The following NMRK2 variants were observed in gnomAD, a reference collection of about 807,000 sequenced individuals.
The protein encoded by NMRK2 is nicotinamide riboside kinase 2.
A neutral mutation model predicts 24.7 loss-of-function variants in NMRK2; 34 were observed. The observed-to-expected ratio is 1.37, with a 90% confidence interval of 1.05 to 1.83. The LOEUF is 1.83. NMRK2 is among the 40% of genes most tolerant of loss of function. The pLI, the probability that NMRK2 is intolerant of heterozygous loss-of-function variation, is 0.00. For synonymous variants in NMRK2, 145 were observed against 125.6 expected (o/e 1.15, Z -1.03); for missense variants, 341 against 315.0 (o/e 1.08, Z -0.62).
chr19:3,937,963 C>T lies in NMRK2; in HGVS notation c.167-640C>T, dbSNP rs553008094. Among the ~76,000 whole-genome samples, 838 of 92,460 alleles carry T rather than the reference C, an allele frequency of 9.1e-3. 30 individuals are homozygous for T. Among genetic ancestry groups the T allele is most frequent in the African/African-American group, 0.037 (771 of 21,000 alleles). The allele number at this position is 92,460 out of a possible 152,430, so 60.7% of individuals were successfully genotyped here. ...GCAATACCCGCTCCCCGTCCACTGT[C>T]CCCCCGGGGTCCACCCTCCTGCAAT... is the stretch of plus-strand genomic sequence containing the variant. On this transcript the variant is annotated intron_variant, in intron 4 of 7. Coordinates refer to ENST00000168977, the MANE Select transcript of NMRK2 (RefSeq NM_170678.3).
chr19:3,942,187 G>C lies in NMRK2; in HGVS notation c.607G>C (p.Ala203Pro). 1 of 1,613,150 alleles carries C rather than the reference G, an allele frequency of 6.2e-7. No homozygotes were observed. The highest frequency in any genetic ancestry group is 8.5e-7 in the Non-Finnish European group (1 of 1,179,996). ...CTCCCAGGAATCAGCCCCCTCCCCG[G>C]CTCGCCCAGCCAGGACACAGGGACC... ...NRSQESAPSP[A>P]RPARTQGPGR... The change falls in exon 8 of 8, where the codon GCT becomes CCT. Residue 203 changes from alanine to proline, a missense_variant. Coordinates refer to ENST00000168977, the MANE Select transcript of NMRK2 (RefSeq NM_170678.3).
intron 4 of NMRK2, among the ~76,000 whole-genome samples, chr19:3,937,861 C>T (rs111253549): frequency 8.5e-6 from 1 of 117,872 alleles, no homozygotes; most frequent in African/African-American, 3.3e-5. Context: ...GCCCGCTCCC[C>T]GTCCACTGTT....
At chr19:3,934,340 C>T (rs185040327) in intron 2 of NMRK2, among the ~76,000 whole-genome samples, 53 of 152,192 alleles carry the variant, frequency 3.5e-4, no homozygotes, top group African/African-American at 1.0e-3. Flanking sequence ...GGGACTGACA[C>T]GTGGGCAGGT....
In NMRK2 at chr19:3,941,738, G is replaced by A. The variant is rs896147102; in HGVS notation, c.503-345G>A. Among the ~76,000 whole-genome samples the A allele has an allele frequency of 7.2e-5, 11 of 151,864 alleles. 1 individual carries two copies. The highest frequency in any genetic ancestry group is 1.2e-4 in the African/African-American group (5 of 41,342). ...GCTCACGGCAATCTCCGCCTCCCGG[G>A]TTCAAGCCTTTCCCCTGCCTCAGCC... On this transcript the variant is annotated intron_variant, in intron 7 of 7. Coordinates refer to ENST00000168977, the MANE Select transcript of NMRK2 (RefSeq NM_170678.3).
At position 3,939,991 on chromosome 19, in the gene NMRK2, G is replaced by T. The variant is rs556081033; in HGVS notation, c.395+20G>T. On this transcript the variant is annotated intron_variant, in intron 6 of 7. Transcript: ENST00000168977. ...GAGAAGGTGCACTTGGTGTCTGGGG[G>T]TGCGGTGGGCTCCTGAGGGCCCTGT... The T allele has an allele frequency of 3.1e-6, 5 of 1,606,414 alleles. No individual in the cohort carries two copies. In the African/African-American group the frequency reaches 4.0e-5, roughly 13 times the overall value.
At chr19:3,933,742 C>T in intron 2 of NMRK2, 45 bp downstream of exon 2, 1 of 1,381,646 alleles carries the variant, frequency 7.2e-7, no homozygotes, top group Non-Finnish European at 9.4e-7. Flanking sequence ...GGGCAAAGCC[C>T]CCTGTGCGCG....
intron 6 of NMRK2, 96 bp downstream of exon 6, chr19:3,940,067 C>A: frequency 9.3e-7 from 1 of 1,079,090 alleles, no homozygotes; most frequent in Non-Finnish European, 1.4e-6. Context: ...CCACTGGGGG[C>A]TGGGCACAGT....
At chr19:3,933,792 C>T in intron 2 of NMRK2, 95 bp downstream of exon 2, 1 of 1,231,524 alleles carries the variant, frequency 8.1e-7, no homozygotes, top group Non-Finnish European at 1.1e-6. Context: ...GGATGCCTGG[C>T]GCCTGAGGTC....
In NMRK2 at chr19:3,938,694, C is replaced by T. The variant is rs144718564; in HGVS notation, c.258C>T (p.Ser86=). The T allele has an allele frequency of 8.4e-3, 13,609 of 1,612,366 alleles. 55 individuals are homozygous for T. The highest frequency in any genetic ancestry group is 0.011 in the Non-Finnish European group (12,466 of 1,179,196). Residue 86 remains serine (S), a synonymous_variant, in exon 5 of 8, where the codon AGC becomes AGT. Transcript: ENST00000168977. ...AGTTTGCCCGTGCCCACGGGGTCAG[C>T]GTCCAGCCAGAGGCCTCGGACACCC... ...PQKFARAHGV[S]VQPEASDTHI...
At chr19:3,936,083 C>T (rs112902141) in intron 2 of NMRK2, among the ~76,000 whole-genome samples, 10 of 152,034 alleles carry the variant, frequency 6.6e-5, no homozygotes, top group Admixed American at 2.0e-4. Flanking sequence ...TGGTGGCGCA[C>T]GCCTGTAATC....
chr19:3,938,853 T>G lies in NMRK2; in HGVS notation c.323+94T>G, dbSNP rs575429602. On this transcript the variant is annotated intron_variant, in intron 5 of 7. Transcript: ENST00000168977. ...TTTTTTTTTTTTTTTTGTTTTGTTT[T>G]TTTTTTTTTTTGAGACAAGAGTTTT... 5,666 of 979,850 alleles carry G rather than the reference T, an allele frequency of 5.8e-3. 107 individuals carry two copies. Among genetic ancestry groups the G allele is most frequent in the Non-Finnish European group, 6.5e-3 (4,733 of 727,936 alleles). 60.7% of individuals were successfully genotyped at this position (979,850 alleles called of 1,614,324 possible).
At chr19:3,933,890 T>C (rs554688201) in intron 2 of NMRK2, among the ~76,000 whole-genome samples, 193 bp downstream of exon 2, 1 of 152,000 alleles carries the variant, frequency 6.6e-6, no homozygotes, top group African/African-American at 2.4e-5. Flanking sequence ...GGCTGGACAC[T>C]GAGCCCAGTG....
intron 2 of NMRK2, among the ~76,000 whole-genome samples, chr19:3,933,986 G>A (rs1162475343): frequency 3.3e-5 from 5 of 152,016 alleles, no homozygotes; most frequent in African/African-American, 1.2e-4. Context: ...GGTGGCTCAG[G>A]CCTGGAATCC....
At chr19:3,933,405 G>C (rs1430730668) in intron 1 of NMRK2, 53 bp from the exon 2 acceptor site, 1 of 493,454 alleles carries the variant, frequency 2.0e-6, no homozygotes, top group Middle Eastern at 5.5e-4. Context: ...TGGGAGGAGG[G>C]AAGAGGCAGC....
rs1047474022 is a variant in NMRK2 at position 3,941,004 on chromosome 19, C to CA, written c.396-66dup. 32 of 1,048,238 alleles carry CA rather than the reference C, an allele frequency of 3.1e-5. No individual in the cohort carries two copies. In the African/African-American group the frequency reaches 4.4e-4, roughly 15 times the overall value. 64.9% of individuals were successfully genotyped at this position (1,048,238 alleles called of 1,614,324 possible). A position where few individuals can be genotyped will look rare whatever the true frequency, so the allele number is the denominator to read the frequency against. On this transcript the variant is annotated intron_variant, in intron 6 of 7. Coordinates refer to ENST00000168977, the MANE Select transcript of NMRK2 (RefSeq NM_170678.3). ...TGACTATGACAGCTTTCAGGCCCCC[C>CA]ACCGGGGGTATATTCTTAGCATCAC...
chr19:3,938,734 G>A lies in NMRK2; in HGVS notation c.298G>A (p.Glu100Lys). ...CTCGGACACCCACATCCTCCTCCTG[G>A]AAGGCTTCCTGCTCTACAGCTACAA... ...EASDTHILLL[E>K]GFLLYSYKPL... Residue 100 changes from glutamate (E) to lysine (K), a missense_variant, in exon 5 of 8, where the codon GAA becomes AAA. By Grantham distance (56) the Glu-to-Lys change is moderately conservative. Coordinates refer to ENST00000168977, the MANE Select transcript of NMRK2 (RefSeq NM_170678.3). 6.2e-7 allele frequency: 1 copy of A among 1,605,436 alleles called. No homozygotes were observed. The highest frequency in any genetic ancestry group is 8.5e-7 in the Non-Finnish European group (1 of 1,176,028).
In NMRK2 at chr19:3,933,705, C is replaced by T. The variant is rs2039156942; in HGVS notation, c.26+8C>T. ...CATCGTGGGCATCGGAGGGTGAGCG[C>T]CGGGGGACCTGGTGGGCGGCCCTGC... On this transcript the variant is annotated splice_region_variant and intron_variant, in intron 2 of 7. Transcript: ENST00000168977. 7.0e-7 allele frequency: 1 copy of T among 1,437,276 alleles called. No individual in the cohort carries two copies. The highest frequency in any genetic ancestry group is 9.1e-7 in the Non-Finnish European group (1 of 1,095,734). 89.0% of individuals were successfully genotyped at this position (1,437,276 alleles called of 1,614,324 possible).
At chr19:3,933,836 G>C in intron 2 of NMRK2, 139 bp downstream of exon 2, 1 of 792,912 alleles carries the variant, frequency 1.3e-6, no homozygotes. Flanking sequence ...AGTGCAGGGA[G>C]GATTTTCTGC....
At position 3,938,670 on chromosome 19, in the gene NMRK2, G is replaced by A. The variant is rs745997791; in HGVS notation, c.234G>A (p.Lys78=). 1.9e-6 allele frequency: 3 copies of A among 1,612,786 alleles called. No homozygotes were observed. Among genetic ancestry groups the A allele is most frequent in the Admixed American group, 1.7e-5 (1 of 59,932 alleles). Reference sequence around the variant, plus strand: ...AGGCCTGGCTGAGCAGCCCGCAGAAGTTTGCCCGTGCCCACGGGGTCAGCG... The same window carrying A: ...AGGCCTGGCTGAGCAGCCCGCAGAAATTTGCCCGTGCCCACGGGGTCAGCG... The part of the protein sequence containing the change: ...TVQAWLSSPQ[K]FARAHGVSVQ... Residue 78 remains lysine (K), a synonymous_variant, in exon 5 of 8, where the codon AAG becomes AAA. Coordinates refer to ENST00000168977, the MANE Select transcript of NMRK2 (RefSeq NM_170678.3).
Sources: gnomAD v4.1 joint callset for allele counts (sites outside exome capture counted in the v4.1 genomes callset) on GRCh38, gnomAD v4.1.1 for gene constraint, MANE v1.5 for transcripts, NCBI Gene and HGNC (gene_info 2026-07-23, HGNC 2026-07-21) for gene names.